Variants in AFG2A observed in about 807,000 individuals in gnomAD.
AFG2A encodes the protein ATPase family gene 2 protein homolog A.
At chr4:123,109,177 T>G in the AFG2A span, among the ~76,000 whole-genome samples, 1 of 152,180 alleles carries the variant, frequency 6.6e-6, no homozygotes, top group East Asian at 1.9e-4. Flanking sequence ...TTATCTTTGC[T>G]TGTTAGACAA....
chr4:123,154,250 A>G, the AFG2A span, among the ~76,000 whole-genome samples: 1 of 152,036 alleles, frequency 6.6e-6, no homozygotes, highest in Non-Finnish European at 1.5e-5. Context: ...TTTCCAGTTT[A>G]TTTAAAGATA....
At chr4:123,140,023 G>A in the AFG2A span, among the ~76,000 whole-genome samples, 9 of 151,956 alleles carry the variant, frequency 5.9e-5, no homozygotes, top group Admixed American at 2.0e-4. Context: ...GAGATCAAGG[G>A]ATTTACTCTT....
chr4:122,945,086 G>A, the AFG2A span, among the ~76,000 whole-genome samples: 1 of 152,212 alleles, frequency 6.6e-6, no homozygotes, highest in Non-Finnish European at 1.5e-5. Flanking sequence ...GGTGTCAGGG[G>A]TCAGGGACCC....
chr4:123,141,332 G>T, the AFG2A span, among the ~76,000 whole-genome samples: 1 of 152,130 alleles, frequency 6.6e-6, no homozygotes, highest in South Asian at 2.1e-4. Context: ...GCATGGTGGC[G>T]TGGGCCTGTA....
chr4:122,946,426 G>T, the AFG2A span, among the ~76,000 whole-genome samples: 1 of 152,074 alleles, frequency 6.6e-6, no homozygotes, highest in East Asian at 1.9e-4. Flanking sequence ...GTCTGTTTTT[G>T]TACTTCTAAA....
the AFG2A span, among the ~76,000 whole-genome samples, chr4:123,263,774 A>G: frequency 6.6e-6 from 1 of 152,206 alleles, no homozygotes; most frequent in Non-Finnish European, 1.5e-5. Flanking sequence ...AATGTAAACT[A>G]GTACAATCAC....
chr4:123,221,538 T>C, the AFG2A span, among the ~76,000 whole-genome samples: 470 of 152,286 alleles, frequency 3.1e-3, 10 homozygotes, highest in Non-Finnish European at 2.0e-3. Context: ...ATTGTTAACA[T>C]TGATTTTTAA....
chr4:123,270,952 A>AT, the AFG2A span, among the ~76,000 whole-genome samples: 4 of 152,212 alleles, frequency 2.6e-5, no homozygotes, highest in Non-Finnish European at 4.4e-5. Context: ...GCAATCCATC[A>AT]TTTTTATCCC....
chr4:123,248,099 CT>C, the AFG2A span, among the ~76,000 whole-genome samples: 1 of 152,022 alleles, frequency 6.6e-6, no homozygotes, highest in South Asian at 2.1e-4. Context: ...TAGTAGGTGT[CT>C]TTTTAGTTAC....
chr4:123,065,484 T>A, the AFG2A span, among the ~76,000 whole-genome samples: 1 of 152,150 alleles, frequency 6.6e-6, no homozygotes. Context: ...ACTAGAAAAG[T>A]TCAATGTTTC....
At chr4:123,255,889 T>C in the AFG2A span, 2 of 1,089,562 alleles carry the variant, frequency 1.8e-6, no homozygotes, top group South Asian at 3.2e-5. Context: ...CTGGTACTTG[T>C]TTTATTTACC....
At chr4:123,202,590 T>C in the AFG2A span, among the ~76,000 whole-genome samples, 1 of 152,122 alleles carries the variant, frequency 6.6e-6, no homozygotes, top group Non-Finnish European at 1.5e-5. Flanking sequence ...AACCAGGAAA[T>C]TGTCATTAGT....
the AFG2A span, among the ~76,000 whole-genome samples, chr4:123,233,269 A>G: frequency 1.3e-5 from 2 of 149,712 alleles, no homozygotes; most frequent in African/African-American, 5.0e-5. Flanking sequence ...AATTATGTAC[A>G]CACACACACG....
chr4:122,938,060 T>C, the AFG2A span: 1 of 1,427,174 alleles, frequency 7.0e-7, no homozygotes, highest in Non-Finnish European at 9.3e-7. Flanking sequence ...GTTAAAAAAA[T>C]TAAAACTAAG....
the AFG2A span, among the ~76,000 whole-genome samples, chr4:123,021,182 G>A: frequency 2.7e-5 from 4 of 150,512 alleles, no homozygotes; most frequent in East Asian, 1.9e-4. Flanking sequence ...TACTTGTAAC[G>A]GTACCTTTCC....
At chr4:122,981,731 C>A in the AFG2A span, among the ~76,000 whole-genome samples, 1 of 151,660 alleles carries the variant, frequency 6.6e-6, no homozygotes, top group African/African-American at 2.4e-5. Context: ...GGTCTTTCAC[C>A]GTCTTGGTTA....
At chr4:123,206,450 T>TA in the AFG2A span, among the ~76,000 whole-genome samples, 1 of 152,152 alleles carries the variant, frequency 6.6e-6, no homozygotes, top group South Asian at 2.1e-4. Context: ...AACACCTGAT[T>TA]AGTGCTGCAG....
chr4:122,970,945 T>C, the AFG2A span, among the ~76,000 whole-genome samples: 1 of 152,164 alleles, frequency 6.6e-6, no homozygotes, highest in Non-Finnish European at 1.5e-5. Flanking sequence ...GCAATTCTTG[T>C]GCCTCAGCCT....
the AFG2A span, among the ~76,000 whole-genome samples, chr4:123,109,095 GAA>G: frequency 1.3e-5 from 2 of 152,160 alleles, no homozygotes; most frequent in Non-Finnish European, 2.9e-5. Context: ...GGGAAAAAGA[GAA>G]AGAGGGAAGA....
Sources: allele counts gnomAD v4.1 joint callset (sites outside exome capture counted in the v4.1 genomes callset), GRCh38; gene constraint gnomAD v4.1.1; transcripts MANE v1.5; gene names NCBI Gene and HGNC (gene_info 2026-07-23, HGNC 2026-07-21).